Variants in FRMPD1 observed in about 807,000 individuals in gnomAD.
FRMPD1 encodes FERM and PDZ domain containing 1, also known as FERM and PDZ domain-containing protein 1.
In FRMPD1, 76 loss-of-function variants were observed where a neutral mutation model predicts 117.8. The ratio of observed to expected loss-of-function variants is 0.65; its 90% confidence interval spans 0.54 to 0.78. The LOEUF is 0.78. Among genes scored for constraint, FRMPD1 ranks in the 30% least tolerant of loss-of-function variants. The pLI is 0.00. For missense variants in FRMPD1, 1,786 were observed against 1,964.5 expected (o/e 0.91, Z 1.72); for synonymous variants, 783 against 770.4 (o/e 1.02, Z -0.27).
chr9:37,668,148 A>G (rs549788560), intron 1 of FRMPD1: 1 of 152,362 alleles, frequency 6.6e-6, no homozygotes, highest in South Asian at 2.1e-4. Context: ...TTTGCCAATC[A>G]AGGACCTCTA....
intron 2 of FRMPD1, among the ~76,000 whole-genome samples, chr9:37,703,301 A>G (rs1259373371): frequency 1.3e-5 from 2 of 152,180 alleles, no homozygotes; most frequent in Non-Finnish European, 2.9e-5. Context: ...TTGGTATGAC[A>G]CATAATAGTA....
the FRMPD1 span, among the ~76,000 whole-genome samples, chr9:37,640,539 T>A: frequency 6.6e-6 from 1 of 152,210 alleles, no homozygotes; most frequent in East Asian, 1.9e-4. Context: ...AAATCTGCCA[T>A]GATTTTAGTC....
chr9:37,681,157 G>A (rs1821715225), intron 1 of FRMPD1, among the ~76,000 whole-genome samples: 1 of 144,454 alleles, frequency 6.9e-6, no homozygotes, highest in African/African-American at 2.5e-5. Flanking sequence ...AGGCTTCAGT[G>A]AGCCAAGATG....
intron 1 of FRMPD1, among the ~76,000 whole-genome samples, chr9:37,685,419 G>A (rs1182746378): frequency 5.9e-5 from 9 of 152,024 alleles, no homozygotes; most frequent in East Asian, 1.9e-4. Context: ...CAAGGCGGGC[G>A]GATCACAAAG....
chr9:37,609,733 T>G, the FRMPD1 span, among the ~76,000 whole-genome samples: 2 of 146,078 alleles, frequency 1.4e-5, no homozygotes, highest in Non-Finnish European at 3.1e-5. Flanking sequence ...AGAGTGGAAA[T>G]CAAAGCCCTT....
At chr9:37,676,758 C>G (rs1434926083) in intron 1 of FRMPD1, among the ~76,000 whole-genome samples, 1 of 152,172 alleles carries the variant, frequency 6.6e-6, no homozygotes, top group Non-Finnish European at 1.5e-5. Context: ...TTCCTAAGCC[C>G]CATGCAGAGA....
In FRMPD1 at chr9:37,680,494, C is replaced by T. The variant is rs539715311; in HGVS notation, c.-4-12144C>T. Reference sequence around the variant, plus strand: ...GCACTGTATTATAGAATCTGTTTTACGCAGACCATGTTTTGCAGGTGTGGT... The same window carrying T: ...GCACTGTATTATAGAATCTGTTTTATGCAGACCATGTTTTGCAGGTGTGGT... On this transcript the variant is annotated intron_variant, in intron 1 of 15. Coordinates refer to ENST00000377765, the MANE Select transcript of FRMPD1 (RefSeq NM_014907.3). Among the ~76,000 whole-genome samples, 18 of 152,296 alleles carry T rather than the reference C, an allele frequency of 1.2e-4. No individual in the cohort carries two copies. In the South Asian group the frequency reaches 2.5e-3, roughly 21 times the overall value.
chr9:37,729,983 C>T (rs916275457), intron 8 of FRMPD1, 130 bp downstream of exon 8: 5 of 920,236 alleles, frequency 5.4e-6, no homozygotes, highest in Non-Finnish European at 6.5e-6. Context: ...CCAGAAGGCA[C>T]AGAGCTCACT....
chr9:37,635,107 A>T, the FRMPD1 span, among the ~76,000 whole-genome samples: 1 of 152,200 alleles, frequency 6.6e-6, no homozygotes, highest in East Asian at 1.9e-4. Flanking sequence ...GATACTATTG[A>T]AATTGCCATT....
intron 1 of FRMPD1, among the ~76,000 whole-genome samples, chr9:37,658,235 A>T (rs1487970974): frequency 6.6e-6 from 1 of 151,910 alleles, no homozygotes; most frequent in African/African-American, 2.4e-5. Context: ...TTCGGAATCT[A>T]TATTTGCGTT....
intron 6 of FRMPD1, among the ~76,000 whole-genome samples, chr9:37,723,758 T>G (rs1823496789): frequency 1.3e-5 from 2 of 151,916 alleles, no homozygotes. Context: ...TTTGGGAGGC[T>G]GAGGCGGGTG....
At chr9:37,664,434 A>G (rs896629206) in intron 1 of FRMPD1, among the ~76,000 whole-genome samples, 1 of 152,210 alleles carries the variant, frequency 6.6e-6, no homozygotes, top group Non-Finnish European at 1.5e-5. Context: ...TTTAAGCCCC[A>G]CATGCATTAG....
chr9:37,612,137 T>C, the FRMPD1 span, among the ~76,000 whole-genome samples: 1 of 152,176 alleles, frequency 6.6e-6, no homozygotes, highest in African/African-American at 2.4e-5. Context: ...GTGATGTGGA[T>C]TGACCAGTAA....
intron 1 of FRMPD1, among the ~76,000 whole-genome samples, chr9:37,668,760 TTTGA>T (rs1289153224): frequency 6.6e-6 from 1 of 152,244 alleles, no homozygotes; most frequent in Non-Finnish European, 1.5e-5. Flanking sequence ...ATGAAACCTG[TTTGA>T]TTAAGATTCT....
chr9:37,672,594 G>A (rs929160448), intron 1 of FRMPD1, among the ~76,000 whole-genome samples: 8 of 152,172 alleles, frequency 5.3e-5, no homozygotes, highest in African/African-American at 1.4e-4. Flanking sequence ...GCACAAAACT[G>A]TGAAGTAACC....
intron 1 of FRMPD1, among the ~76,000 whole-genome samples, chr9:37,658,680 C>T (rs1012043657): frequency 6.6e-6 from 1 of 152,164 alleles, no homozygotes; most frequent in African/African-American, 2.4e-5. Flanking sequence ...ACGTTGCCTC[C>T]TCCTGTCTGT....
intron 12 of FRMPD1, among the ~76,000 whole-genome samples, chr9:37,734,747 G>A (rs1824045218): frequency 6.6e-6 from 1 of 152,192 alleles, no homozygotes; most frequent in African/African-American, 2.4e-5. Flanking sequence ...GCATCAGATA[G>A]TTAGGGGAAG....
the FRMPD1 span, among the ~76,000 whole-genome samples, chr9:37,644,995 C>T: frequency 6.6e-6 from 1 of 151,724 alleles, no homozygotes; most frequent in African/African-American, 2.4e-5. Context: ...TGGGAAGTGG[C>T]CAGATGTAGT....
Position 37,744,561 on chromosome 9 carries a change from G to C in FRMPD1, c.2529G>C (p.Gln843His). Reference protein sequence around the residue: ...KTLRKRRSFLQTDYTSQVSFP... With the variant: ...KTLRKRRSFLHTDYTSQVSFP... ...TGAGGAAAAGAAGGTCTTTCCTACA[G>C]ACCGACTACACCTCTCAGGTCTCAT... The change falls in exon 16 of 16, where the codon CAG becomes CAC. Residue 843 changes from glutamine to histidine, a missense_variant. Physicochemically the swap from Gln to His is conservative, Grantham distance 24. Coordinates refer to ENST00000377765, the MANE Select transcript of FRMPD1 (RefSeq NM_014907.3). The C allele has an allele frequency of 6.2e-7, 1 of 1,614,150 alleles. No homozygotes were observed. Among genetic ancestry groups the C allele is most frequent in the East Asian group, 2.2e-5 (1 of 44,868 alleles).
Sources: allele counts gnomAD v4.1 joint callset (sites outside exome capture counted in the v4.1 genomes callset), GRCh38; gene constraint gnomAD v4.1.1; transcripts MANE v1.5; gene names NCBI Gene and HGNC (gene_info 2026-07-23, HGNC 2026-07-21).